Variants in ABCD4 observed in about 807,000 individuals in gnomAD.
ABCD4 encodes ATP binding cassette subfamily D member 4.
Under a neutral mutation model 86.3 loss-of-function variants are expected in ABCD4, and 53 were observed. That is an observed-to-expected ratio of 0.61 (90% confidence interval 0.49 to 0.77). The LOEUF is 0.77. ABCD4 is among the 30% of genes least tolerant of loss of function. ABCD4 has a pLI of 0.00. For synonymous variants in ABCD4, 328 were observed against 313.6 expected, an observed-to-expected ratio of 1.05 and a Z score of -0.49; for missense variants, 757 against 764.5, an observed-to-expected ratio of 0.99 and a Z score of 0.12.
intron 17 of ABCD4, 60 bp downstream of exon 17, chr14:74,287,750 C>A: frequency 3.0e-5 from 45 of 1,494,242 alleles, no homozygotes; most frequent in Non-Finnish European, 4.0e-5. Flanking sequence ...TGAACACATG[C>A]TGCTACACCC....
At position 74,297,950 on chromosome 14, in the gene ABCD4, C is replaced by T. The variant is rs764339832; in HGVS notation, c.405G>A (p.Leu135=). The change falls in exon 4 of 19, where the codon CTG becomes CTA. Residue 135 remains leucine, a synonymous_variant. Transcript: ENST00000356924. ...CCTACGGGTTATCGATGTCATCCCG[C>T]AGCACGTTGAGGGTGTAGTACGCAC... The part of the protein sequence containing the change: ...RGRAYYTLNV[L]RDDIDNPDQR... The T allele has an allele frequency of 1.9e-6, 3 of 1,613,546 alleles. No homozygotes were observed. Among genetic ancestry groups the T allele is most frequent in the Admixed American group, 1.7e-5 (1 of 59,702 alleles).
In ABCD4 at chr14:74,285,767, T is replaced by C. The variant is rs1038933443; in HGVS notation, c.*694A>G. The C allele has an allele frequency of 1.3e-5, 2 of 152,186 alleles. No individual in the cohort carries two copies. The highest frequency in any genetic ancestry group is 2.9e-5 in the Non-Finnish European group (2 of 68,042). The allele number at this position is 152,186 out of a possible 1,614,324, so 9.4% of individuals were successfully genotyped here. ...CTAAGGGGAAAGGGATTTACTTTCA[T>C]TTGGGTTAAGGTAGGGCAGACCAAA... On this transcript the variant is annotated 3_prime_UTR_variant, in exon 19 of 19. Transcript: ENST00000356924.
In ABCD4 at chr14:74,293,196, G is replaced by A. The variant is rs745774080; in HGVS notation, c.772C>T (p.Gln258Ter). 1 of 1,614,198 alleles carries A rather than the reference G, an allele frequency of 6.2e-7. No individual in the cohort carries two copies. Among genetic ancestry groups the A allele is most frequent in the Non-Finnish European group, 8.5e-7 (1 of 1,180,036 alleles). ...RTDRRLQRLL[Q>*]TQRELMSKEL... The stretch of plus-strand genomic sequence containing the variant: ...TTGGACATCAGCTCCCTCTGGGTCT[G>A]AAGGAGTCTCTGCAGCCTGCGGTCT... Residue 258 changes from glutamine (Q) to a stop codon, truncating the protein, a stop_gained, in exon 8 of 19, where the codon CAG (glutamine) becomes TAG (stop). Transcript: ENST00000356924. LOFTEE classifies it high-confidence loss of function.
chr14:74,300,485 G>C (rs551476660), intron 1 of ABCD4, among the ~76,000 whole-genome samples: 1 of 151,632 alleles, frequency 6.6e-6, no homozygotes, highest in Admixed American at 6.6e-5. Flanking sequence ...CCAGCTACTC[G>C]GGAGGCTGAG....
chr14:74,301,402 C>T (rs2084477512), intron 1 of ABCD4, among the ~76,000 whole-genome samples: 1 of 152,058 alleles, frequency 6.6e-6, no homozygotes, highest in African/African-American at 2.4e-5. Flanking sequence ...TCCAGTGGTC[C>T]ACCTACCTCA....
In ABCD4 at chr14:74,290,319, A is replaced by G; in HGVS notation, c.1299T>C (p.Val433=). ...GTGTACTCGTCCAGAGGCCACCCAG[A>G]ACCCGGAGCAAGGAGGTCTTGCCAG... is the stretch of plus-strand genomic sequence containing the variant. ...TGTGKTSLLR[V]LGGLWTSTRG... is the part of the protein sequence containing the mutation. Residue 433 remains valine (V), a synonymous_variant, in exon 12 of 19, where the codon GTT becomes GTC. Transcript: ENST00000356924. 6.2e-7 allele frequency: 1 copy of G among 1,614,160 alleles called. No individual in the cohort carries two copies. Among genetic ancestry groups the G allele is most frequent in the Non-Finnish European group, 8.5e-7 (1 of 1,180,030 alleles).
Position 74,295,844 on chromosome 14 carries a change from G to A in ABCD4, c.668+10C>T. On this transcript the variant is annotated intron_variant, in intron 6 of 18. Transcript: ENST00000356924. ...CCCCAGCCCAGAAACCTCAAGTGAG[G>A]GAGACACACCTAAAATCTCCCTCCA... is the stretch of plus-strand genomic sequence containing the variant. 1 of 1,613,318 alleles carries A rather than the reference G, an allele frequency of 6.2e-7. No individual in the cohort carries two copies. The highest frequency in any genetic ancestry group is 8.5e-7 in the Non-Finnish European group (1 of 1,179,804).
rs561507403 is a variant in ABCD4 at position 74,295,133 on chromosome 14, T to C, written c.719+15A>G. 5.0e-6 allele frequency: 8 copies of C among 1,613,954 alleles called. No individual in the cohort carries two copies. In the South Asian group the frequency reaches 7.7e-5, roughly 16 times the overall value. The stretch of plus-strand genomic sequence containing the variant: ...CTCTGGCAAGGCAGAAGGGGAACCA[T>C]CTCTCCAGACTCACCTGTAGAAAGC... On this transcript the variant is annotated intron_variant, in intron 7 of 18. Transcript: ENST00000356924.
At chr14:74,290,161 G>A (rs781736433) in intron 12 of ABCD4, 43 bp from the exon 13 acceptor site, 9 of 1,613,042 alleles carry the variant, frequency 5.6e-6, no homozygotes, top group Middle Eastern at 1.7e-4. Flanking sequence ...TCTCCCAGAA[G>A]AGGCAACTGC....
intron 4 of ABCD4, chr14:74,297,685 G>T: frequency 8.5e-7 from 1 of 1,182,000 alleles, no homozygotes; most frequent in Non-Finnish European, 1.0e-6. Context: ...TCAGCCTCCT[G>T]AGTTGTTGGG....
chr14:74,295,323 A>C, intron 6 of ABCD4, 125 bp from the exon 7 acceptor site: 1 of 1,075,502 alleles, frequency 9.3e-7, no homozygotes, highest in South Asian at 1.4e-5. Context: ...TGGCTGCCTC[A>C]GTCTGACCCT....
chr14:74,302,066 A>G (rs2084738003), intron 1 of ABCD4, among the ~76,000 whole-genome samples: 1 of 152,222 alleles, frequency 6.6e-6, no homozygotes, highest in African/African-American at 2.4e-5. Context: ...TAGTGTGACC[A>G]TTCCAAAGAA....
chr14:74,295,768 G>C, intron 6 of ABCD4, 86 bp downstream of exon 6: 1 of 1,567,510 alleles, frequency 6.4e-7, no homozygotes, highest in Non-Finnish European at 8.7e-7. Flanking sequence ...GGCACAGCTA[G>C]GATTTGAACT....
At chr14:74,302,291 C>T (rs1035190126) in intron 1 of ABCD4, among the ~76,000 whole-genome samples, 12 of 152,144 alleles carry the variant, frequency 7.9e-5, no homozygotes, top group African/African-American at 2.7e-4. Flanking sequence ...AACAAGATGA[C>T]TAGCATGGAT....
At chr14:74,298,391 C>G (rs2083434161) in intron 3 of ABCD4, among the ~76,000 whole-genome samples, 1 of 152,204 alleles carries the variant, frequency 6.6e-6, no homozygotes, top group South Asian at 2.1e-4. Context: ...CCTGCCTCAG[C>G]CTCCCGAGTA....
chr14:74,290,805 C>A (rs1180487728), intron 11 of ABCD4, among the ~76,000 whole-genome samples: 1 of 151,654 alleles, frequency 6.6e-6, no homozygotes, highest in Non-Finnish European at 1.5e-5. Context: ...CTGTCCCAGC[C>A]TCCTGAGTAG....
chr14:74,297,942 T>C lies in ABCD4; in HGVS notation c.413A>G (p.Asp138Gly). 1.2e-6 allele frequency: 2 copies of C among 1,613,266 alleles called. No individual in the cohort carries two copies. The highest frequency in any genetic ancestry group is 8.5e-7 in the Non-Finnish European group (1 of 1,179,730). Residue 138 changes from aspartate (D) to glycine (G), a missense_variant, in exon 4 of 19, where the codon GAC becomes GGC. By Grantham distance (94) the Asp-to-Gly change is moderately conservative. Transcript: ENST00000356924. ...TTGGGGCGCCTACGGGTTATCGATG[T>C]CATCCCGCAGCACGTTGAGGGTGTA... ...AYYTLNVLRD[D>G]IDNPDQRISQ...
At position 74,299,641 on chromosome 14, in the gene ABCD4, G is replaced by C. The variant is rs1320534253; in HGVS notation, c.192C>G (p.Pro64=). The change falls in exon 3 of 19, where the codon CCC becomes CCG. Residue 64 remains proline (P), a synonymous_variant. Transcript: ENST00000356924. ...TTCCCAGGACCCCATAGTACTGACT[G>C]GGGATCAAGCCAACCTGGTAGATCA... is the stretch of plus-strand genomic sequence containing the variant. The part of the protein sequence containing the change: ...QFVIYQVGLI[P]SQYYGVLGNK... 8 of 1,613,582 alleles carry C rather than the reference G, an allele frequency of 5.0e-6. No individual in the cohort carries two copies. The African/African-American group carries it at 1.1e-4, about 22-fold the overall frequency.
intron 3 of ABCD4, among the ~76,000 whole-genome samples, chr14:74,298,543 T>C (rs776880215): frequency 2.7e-4 from 41 of 152,186 alleles, no homozygotes; most frequent in Non-Finnish European, 1.0e-4. Context: ...AGTGCTGGGA[T>C]TACAGGCGTG....
Sources: allele counts gnomAD v4.1 joint callset (sites outside exome capture counted in the v4.1 genomes callset), GRCh38; gene constraint gnomAD v4.1.1; transcripts MANE v1.5; gene names NCBI Gene and HGNC (gene_info 2026-07-23, HGNC 2026-07-21).